The following RBFOX1 variants were observed in gnomAD, a reference collection of about 807,000 sequenced individuals.
The protein encoded by RBFOX1 is RNA binding protein fox-1 homolog 1.
A neutral mutation model predicts 57.7 loss-of-function variants in RBFOX1; 8 were observed. The observed-to-expected ratio is 0.14, with a 90% CI of 0.08 to 0.25. RBFOX1 has a LOEUF of 0.25. Among genes scored for constraint, RBFOX1 ranks in the 10% least tolerant of loss-of-function variants. The pLI, the probability that RBFOX1 is intolerant of heterozygous loss-of-function variation, is 1.00. For missense variants in RBFOX1, 611 were observed against 548.5 expected (o/e 1.11, Z -1.14); for synonymous variants, 326 against 222.4 (o/e 1.47, Z -4.15).
intron 2 of RBFOX1, among the ~76,000 whole-genome samples, chr16:6,580,523 A>T (rs1488515441): frequency 6.6e-6 from 1 of 152,210 alleles, no homozygotes; most frequent in Non-Finnish European, 1.5e-5. Context: ...GGTCCTCTTC[A>T]TAAACATACA....
At chr16:7,554,906 C>T (rs2087834296) in intron 5 of RBFOX1, among the ~76,000 whole-genome samples, 1 of 152,014 alleles carries the variant, frequency 6.6e-6, no homozygotes, top group African/African-American at 2.4e-5. Context: ...AACATAAATC[C>T]AAGGTGTTGG....
chr16:6,973,438 A>G (rs975984907), intron 3 of RBFOX1, among the ~76,000 whole-genome samples: 4 of 152,198 alleles, frequency 2.6e-5, no homozygotes, highest in Admixed American at 2.0e-4. Flanking sequence ...AGTGATATCA[A>G]CAGAATTACA....
chr16:6,910,844 A>T (rs1374306347), intron 3 of RBFOX1, among the ~76,000 whole-genome samples: 1 of 152,182 alleles, frequency 6.6e-6, no homozygotes, highest in Non-Finnish European at 1.5e-5. Flanking sequence ...TTATATCCAG[A>T]AGAATGCCTC....
chr16:5,545,299 T>TAAGG (rs1555461443), intron 2 of RBFOX1, among the ~76,000 whole-genome samples: 1 of 151,536 alleles, frequency 6.6e-6, no homozygotes, highest in Non-Finnish European at 1.5e-5. Flanking sequence ...TAACAAATAT[T>TAAGG]AAAGAAATAA....
At chr16:5,405,249 A>G (rs1167535813) in intron 1 of RBFOX1, among the ~76,000 whole-genome samples, 1 of 152,196 alleles carries the variant, frequency 6.6e-6, no homozygotes, top group Admixed American at 6.5e-5. Context: ...CCACCCCCAA[A>G]TATAATCTTG....
chr16:6,774,996 A>T (rs993100143), intron 3 of RBFOX1, among the ~76,000 whole-genome samples: 2 of 152,016 alleles, frequency 1.3e-5, no homozygotes, highest in Admixed American at 1.3e-4. Context: ...TATCTTTATT[A>T]ATAATCTGTG....
At chr16:7,254,934 A>C (rs560139934) in intron 4 of RBFOX1, among the ~76,000 whole-genome samples, 8 of 152,160 alleles carry the variant, frequency 5.3e-5, no homozygotes, top group Non-Finnish European at 8.8e-5. Flanking sequence ...TCAAATTTCA[A>C]TTCACTCATT....
chr16:6,009,802 A>ATGTGTGTGTGTCTGTGTGTGTG (rs1555469408), intron 4 of RBFOX1, among the ~76,000 whole-genome samples: 1 of 58,562 alleles, frequency 1.7e-5, no homozygotes, highest in African/African-American at 8.8e-5. Flanking sequence ...CAGTGTGTGT[A>ATGTGTGTGTGTCTGTGTGTGTG]TGTGTGTGTG....
intron 3 of RBFOX1, among the ~76,000 whole-genome samples, chr16:7,020,026 G>A (rs550763482): frequency 2.5e-4 from 37 of 148,900 alleles, no homozygotes; most frequent in Middle Eastern, 6.9e-3. Flanking sequence ...TCAGGAAGGC[G>A]TCTGTAGTGT....
chr16:5,600,838 G>C (rs553093816), downstream of RBFOX1, among the ~76,000 whole-genome samples: 1 of 152,134 alleles, frequency 6.6e-6, no homozygotes, highest in African/African-American at 2.4e-5. Context: ...CCACTTTTCA[G>C]TTGACCAAAT....
At chr16:7,467,802 C>A (rs2150797785) in intron 4 of RBFOX1, among the ~76,000 whole-genome samples, 1 of 152,310 alleles carries the variant, frequency 6.6e-6, no homozygotes, top group East Asian at 1.9e-4. Context: ...TTTTGCCCTG[C>A]CTGACTTCAG....
At chr16:7,114,424 G>A (rs2065444706) in intron 4 of RBFOX1, among the ~76,000 whole-genome samples, 1 of 152,088 alleles carries the variant, frequency 6.6e-6, no homozygotes, top group South Asian at 2.1e-4. Flanking sequence ...CTTTAATAAA[G>A]GCACAGAAAT....
intron 1 of RBFOX1, among the ~76,000 whole-genome samples, chr16:6,091,374 A>G (rs2096170887): frequency 6.6e-6 from 1 of 152,170 alleles, no homozygotes; most frequent in African/African-American, 2.4e-5. Context: ...GCACATTGTC[A>G]TACTCTCTCA....
At chr16:6,136,010 G>C (rs2096664674) in intron 1 of RBFOX1, among the ~76,000 whole-genome samples, 1 of 151,980 alleles carries the variant, frequency 6.6e-6, no homozygotes, top group African/African-American at 2.4e-5. Context: ...GGCCAGGCTG[G>C]TCTCGAACTC....
intron 2 of RBFOX1, chr16:6,483,300 TCGCGCCCGCGCGCTCGGGGCGTTCTG>T (rs1369967875): frequency 7.2e-6 from 10 of 1,397,776 alleles, no homozygotes; most frequent in Admixed American, 2.9e-5. Flanking sequence ...CTGCTCGCTC[TCGCGCCCGCGCGCTCGGGGCGTTCTG>T]CACCTGCTGG....
At chr16:7,159,500 C>T (rs987054733) in intron 4 of RBFOX1, among the ~76,000 whole-genome samples, 1 of 152,190 alleles carries the variant, frequency 6.6e-6, no homozygotes, top group Non-Finnish European at 1.5e-5. Context: ...TAGTGATAGG[C>T]TGGAAATCAC....
chr16:7,592,851 A>G (rs1008696073), intron 7 of RBFOX1, among the ~76,000 whole-genome samples: 1 of 152,118 alleles, frequency 6.6e-6, no homozygotes. Flanking sequence ...ATAGGGTGTC[A>G]CCCAGGCTGG....
chr16:6,997,573 A>G (rs895211867), intron 3 of RBFOX1, among the ~76,000 whole-genome samples: 2 of 152,188 alleles, frequency 1.3e-5, no homozygotes, highest in African/African-American at 4.8e-5. Flanking sequence ...GCACAGCCAG[A>G]AATTTAAGAT....
chr16:6,481,313 C>T (rs1012151678), intron 2 of RBFOX1, among the ~76,000 whole-genome samples: 15 of 152,314 alleles, frequency 9.8e-5, no homozygotes, highest in African/African-American at 3.6e-4. Context: ...ATGGTTTTAA[C>T]TGTTTGCTGT....
Sources: allele counts gnomAD v4.1 joint callset (sites outside exome capture counted in the v4.1 genomes callset), GRCh38; gene constraint gnomAD v4.1.1; transcripts MANE v1.5; gene names NCBI Gene and HGNC (gene_info 2026-07-23, HGNC 2026-07-21).